Variants in DPH7 observed in about 807,000 individuals in gnomAD.
DPH7 encodes diphthine methyltransferase.
In DPH7, 44 loss-of-function variants were observed where a neutral mutation model predicts 41.7. The ratio of observed to expected loss-of-function variants is 1.05; its 90% confidence interval spans 0.83 to 1.36. The LOEUF (loss-of-function observed/expected upper bound fraction) is 1.36, where lower values mean the gene tolerates loss of function less well. Ranked by LOEUF, DPH7 falls within the 40% of genes most tolerant of loss-of-function variation. The pLI, the probability that DPH7 is intolerant of heterozygous loss-of-function variation, is 0.00. For missense variants in DPH7, 629 were observed against 577.5 expected (o/e 1.09, Z -0.91); for synonymous variants, 275 against 238.0 (o/e 1.16, Z -1.43).
intron 7 of DPH7, 33 bp downstream of exon 7, chr9:137,564,855 AGAGAC>A: frequency 1.9e-6 from 3 of 1,571,726 alleles, no homozygotes; most frequent in Non-Finnish European, 2.6e-6. Flanking sequence ...GGACAGCGAA[AGAGAC>A]GAGAAGGGCC....
Position 137,571,940 on chromosome 9 carries a change from T to G in DPH7, c.640+2268A>C, listed in dbSNP as rs1840506350. On this transcript the variant is annotated intron_variant, in intron 5 of 8. Transcript: ENST00000277540. ...AATCAGTCCAGAATTATTCAATCATTGCCCTACGGTACCTTTGCTCTGAAT... is the reference window on the plus strand; with the variant it reads ...AATCAGTCCAGAATTATTCAATCATGGCCCTACGGTACCTTTGCTCTGAAT... Among the ~76,000 whole-genome samples, 4 of 152,322 alleles carry G rather than the reference T, an allele frequency of 2.6e-5. No individual in the cohort carries two copies. The South Asian group carries it at 8.3e-4, about 32-fold the overall frequency.
intron 5 of DPH7, among the ~76,000 whole-genome samples, chr9:137,570,378 A>G (rs1588897276): frequency 6.6e-6 from 1 of 151,910 alleles, no homozygotes; most frequent in Non-Finnish European, 1.5e-5. Context: ...CCACATATCC[A>G]CTCCATCAGG....
intron 3 of DPH7, chr9:137,575,843 G>A: frequency 7.4e-7 from 1 of 1,344,996 alleles, no homozygotes; most frequent in Admixed American, 3.1e-5. Flanking sequence ...ACAGGTCAAT[G>A]AACATCCTGT....
rs899370060 is a variant in DPH7 at position 137,556,712 on chromosome 9, T to A, written c.950-1064A>T. 2.4e-6 allele frequency: 1 copy of A among 418,842 alleles called. No homozygotes were observed. Among genetic ancestry groups the A allele is most frequent in the Non-Finnish European group, 4.8e-6 (1 of 208,388 alleles). 25.9% of individuals were successfully genotyped at this position (418,842 alleles called of 1,614,324 possible). On this transcript the variant is annotated intron_variant, in intron 8 of 8. Transcript: ENST00000277540. The surrounding 1 kb of genome is among the most constrained non-coding windows in gnomAD (Gnocchi z 5.2). ...AGGAAGCCCCTGGGGAGGCCGTTAC[T>A]GTCCCTTGGGAGGTAGCGTCACAGG...
intron 5 of DPH7, among the ~76,000 whole-genome samples, chr9:137,570,910 G>A (rs1342561729): frequency 6.6e-6 from 1 of 152,150 alleles, no homozygotes; most frequent in Non-Finnish European, 1.5e-5. Flanking sequence ...GACAGGCCAT[G>A]CAGTCTCCTT....
In DPH7 at chr9:137,578,583, G is replaced by T. The variant is rs1036894340; in HGVS notation, c.153+42C>A. The T allele has an allele frequency of 5.6e-6, 8 of 1,432,380 alleles. No individual in the cohort carries two copies. In the Admixed American group the frequency reaches 1.7e-4, roughly 30 times the overall value. 88.7% of individuals were successfully genotyped at this position (1,432,380 alleles called of 1,614,324 possible). On this transcript the variant is annotated intron_variant, in intron 1 of 8. Transcript: ENST00000277540. ...GTGCGCCTTTCGGCCTCAACCTCGT[G>T]GCCGGCCCCGCCCTCCCCTCCCGAA... is the stretch of plus-strand genomic sequence containing the variant.
At chr9:137,563,278 A>G (rs1394312391) in intron 8 of DPH7, among the ~76,000 whole-genome samples, 5 of 152,158 alleles carry the variant, frequency 3.3e-5, no homozygotes, top group Admixed American at 3.3e-4. Flanking sequence ...CACGCCTGTA[A>G]TCCTAACACT....
At chr9:137,559,146 A>C (rs1322547368) in intron 8 of DPH7, among the ~76,000 whole-genome samples, 1 of 152,188 alleles carries the variant, frequency 6.6e-6, no homozygotes, top group Non-Finnish European at 1.5e-5. Flanking sequence ...TCTTTATCCC[A>C]ATATTATAAT....
intron 8 of DPH7, among the ~76,000 whole-genome samples, chr9:137,559,469 G>A (rs1838131805): frequency 6.6e-6 from 1 of 152,172 alleles, no homozygotes; most frequent in African/African-American, 2.4e-5. Flanking sequence ...TCTTGTGGAG[G>A]GCCTGACATC....
chr9:137,564,575 G>T lies in DPH7; in HGVS notation c.808C>A (p.Arg270=), dbSNP rs746226183. ...YDEHILLWDT[R]NMKQPLADTP... ...TCTGCCAACGGCTGCTTCATGTTTC[G>T]TGTGTCCCACAGTAGGATGTGTTCA... The change falls in exon 8 of 9, where the codon CGA becomes AGA. Residue 270 remains arginine (R), a synonymous_variant. Coordinates refer to ENST00000277540, the MANE Select transcript of DPH7 (RefSeq NM_138778.5). 2 of 1,613,740 alleles carry T rather than the reference G, an allele frequency of 1.2e-6. No individual in the cohort carries two copies. The highest frequency in any genetic ancestry group is 1.7e-5 in the Admixed American group (1 of 60,012).
chr9:137,563,261 G>A lies in DPH7; in HGVS notation c.949+1173C>T, dbSNP rs138651579. 5.2e-3 allele frequency among the ~76,000 whole-genome samples: 797 copies of A among 152,244 alleles called. 10 individuals carry two copies. Among genetic ancestry groups the A allele is most frequent in the African/African-American group, 0.018 (754 of 41,530 alleles). On this transcript the variant is annotated intron_variant, in intron 8 of 8. Coordinates refer to ENST00000277540, the MANE Select transcript of DPH7 (RefSeq NM_138778.5). The stretch of plus-strand genomic sequence containing the variant: ...ACACAGAGGAATACAGGCCAGGCAC[G>A]GTGGCTCACGCCTGTAATCCTAACA...
chr9:137,578,056 G>C (rs144147162), intron 1 of DPH7: 1 of 932,432 alleles, frequency 1.1e-6, no homozygotes. Context: ...GGTGGCTCGT[G>C]CCTGTGGTGC....
intron 8 of DPH7, among the ~76,000 whole-genome samples, chr9:137,563,531 CAA>C (rs3041762): frequency 2.0e-4 from 17 of 85,198 alleles, no homozygotes; most frequent in Admixed American, 2.4e-4. Flanking sequence ...GACTCCGTCT[CAA>C]AAAAAAAAAA....
chr9:137,560,485 C>T (rs957898134), intron 8 of DPH7, among the ~76,000 whole-genome samples: 2 of 152,158 alleles, frequency 1.3e-5, no homozygotes, highest in Non-Finnish European at 2.9e-5. Context: ...CTTTGGGAGG[C>T]CGAGGCAGGC....
chr9:137,564,466 C>G lies in DPH7; in HGVS notation c.917G>C (p.Gly306Ala). The G allele has an allele frequency of 6.2e-7, 1 of 1,613,982 alleles. No homozygotes were observed. The highest frequency in any genetic ancestry group is 8.5e-7 in the Non-Finnish European group (1 of 1,179,926). The change falls in exon 8 of 9, where the codon GGC (glycine) becomes GCC (alanine). Residue 306 changes from glycine (G) to alanine (A), a missense_variant. Coordinates refer to ENST00000277540, the MANE Select transcript of DPH7 (RefSeq NM_138778.5). ...CTTTTGGCAGTTGAGGATCTTAAAG[C>G]CACTGTGCATGCAGGCGGCCAGGAG... ...HLLLAACMHS[G>A]FKILNCQKAM... is the part of the protein sequence containing the mutation.
At position 137,574,930 on chromosome 9, in the gene DPH7, G is replaced by A. The variant is rs561482980; in HGVS notation, c.376-87C>T. 1.8e-5 allele frequency: 29 copies of A among 1,582,790 alleles called. No homozygotes were observed. In the East Asian group the frequency reaches 4.0e-4, roughly 22 times the overall value. On this transcript the variant is annotated intron_variant, in intron 3 of 8. Coordinates refer to ENST00000277540, the MANE Select transcript of DPH7 (RefSeq NM_138778.5). ...TTTCCTCTCCTGCAGGGAAGTCATC[G>A]TTCCCTCATTTACAACCTATGCGAA... is the stretch of plus-strand genomic sequence containing the variant.
chr9:137,570,314 G>A (rs532817776), intron 5 of DPH7, among the ~76,000 whole-genome samples: 1 of 152,364 alleles, frequency 6.6e-6, no homozygotes, highest in African/African-American at 2.4e-5. Context: ...TGGCAAATTT[G>A]TACAGAGTAG....
At chr9:137,576,397 G>A (rs1841392802) in intron 2 of DPH7, 1 of 537,192 alleles carries the variant, frequency 1.9e-6, no homozygotes, top group Non-Finnish European at 3.4e-6. Context: ...GGAAGTGGTT[G>A]TATATCTAAA....
At chr9:137,574,883 G>A (rs747473637) in intron 3 of DPH7, 40 bp from the exon 4 acceptor site, 19 of 1,609,520 alleles carry the variant, frequency 1.2e-5, no homozygotes, top group Admixed American at 1.7e-5. Flanking sequence ...GGAAGTAGCC[G>A]CCCCAGAACC....
Sources: gnomAD v4.1 joint callset for allele counts (sites outside exome capture counted in the v4.1 genomes callset) on GRCh38, gnomAD v4.1.1 for gene constraint, Gnocchi (gnomAD v3.1) non-coding constraint, MANE v1.5 for transcripts, NCBI Gene and HGNC (gene_info 2026-07-23, HGNC 2026-07-21) for gene names.